ERAP1: variants seen among roughly 807,000 people sequenced by gnomAD.
ERAP1 encodes the protein adipocyte-derived leucine aminopeptidase.
In ERAP1, 86 loss-of-function variants were observed where a neutral mutation model predicts 103.7. That is an observed-to-expected ratio of 0.83 (90% confidence interval 0.70 to 0.99). The LOEUF (loss-of-function observed/expected upper bound fraction) is 0.99. ERAP1 is among the 50% of genes least tolerant of loss of function. The pLI is 0.00. For missense variants in ERAP1, 1,009 were observed against 1,128.4 expected, an observed-to-expected ratio of 0.89 and a Z score of 1.52; for synonymous variants, 398 against 402.4, an observed-to-expected ratio of 0.99 and a Z score of 0.13.
rs1474052446 is a variant in ERAP1, at chr5:96,775,503, A to AGAT, written c.*890_*892dup. ...TGAATGCACTCTGCTTTTTCAGAAG[A>AGAT]GATACTGTACCAGTCAGGGAAATAG... On this transcript the variant is annotated 3_prime_UTR_variant, in exon 19 of 19. Coordinates refer to ENST00000443439, the MANE Select transcript of ERAP1 (RefSeq NM_001040458.3). 12 of 979,666 alleles carry AGAT rather than the reference A, an allele frequency of 1.2e-5. No homozygotes were observed. Among genetic ancestry groups the AGAT allele is most frequent in the East Asian group, 1.1e-4 (1 of 8,758 alleles). 60.7% of individuals were successfully genotyped at this position (979,666 alleles called of 1,614,324 possible). A position where few individuals can be genotyped will look rare whatever the true frequency, so the allele number is the denominator to read the frequency against.
At chr5:96,896,436 C>T in the ERAP1 span, 9 of 1,613,154 alleles carry the variant, frequency 5.6e-6, no homozygotes, top group Non-Finnish European at 7.6e-6. Flanking sequence ...TTCATCCCGC[C>T]CTATCTCCAA....
the ERAP1 span, among the ~76,000 whole-genome samples, chr5:96,815,898 G>A: frequency 1.3e-5 from 2 of 152,122 alleles, no homozygotes; most frequent in African/African-American, 4.8e-5. Flanking sequence ...ACACATATAT[G>A]TATGTGTGGA....
At chr5:96,840,926 G>A in the ERAP1 span, among the ~76,000 whole-genome samples, 4 of 151,924 alleles carry the variant, frequency 2.6e-5, no homozygotes, top group Non-Finnish European at 5.9e-5. Flanking sequence ...GGATGGTCTC[G>A]ATCTCCTGAC....
chr5:96,776,212 C>T lies in ERAP1; in HGVS notation c.*184G>A. The T allele has an allele frequency of 6.6e-7, 1 of 1,510,442 alleles. No individual in the cohort carries two copies. Among genetic ancestry groups the T allele is most frequent in the Non-Finnish European group, 8.8e-7 (1 of 1,132,454 alleles). 93.6% of individuals were successfully genotyped at this position (1,510,442 alleles called of 1,614,324 possible). A position where few individuals can be genotyped will look rare whatever the true frequency, so the allele number is the denominator to read the frequency against. On this transcript the variant is annotated 3_prime_UTR_variant, in exon 19 of 19. Transcript: ENST00000443439. ...GGCAACACCTGTGATGAACAAAACA[C>T]ATGGTAGCGATAGCCCATTCATGAA...
chr5:96,826,356 G>T, the ERAP1 span, among the ~76,000 whole-genome samples: 6 of 152,228 alleles, frequency 3.9e-5, no homozygotes, highest in East Asian at 1.2e-3. Flanking sequence ...AAGAGTATTT[G>T]GGCAGAGAGA....
At chr5:96,861,986 T>A in the ERAP1 span, among the ~76,000 whole-genome samples, 2 of 151,826 alleles carry the variant, frequency 1.3e-5, no homozygotes, top group Non-Finnish European at 2.9e-5. Context: ...TGATTCTTTT[T>A]GAAAAAAAAA....
At chr5:96,811,066 G>A (rs1356301138), upstream of ERAP1, among the ~76,000 whole-genome samples, 1 of 151,940 alleles carries the variant, frequency 6.6e-6, no homozygotes, top group Non-Finnish European at 1.5e-5. Flanking sequence ...TCTTCCATAG[G>A]CTCCCAGGGC....
chr5:96,772,997 T>C (rs17086689), downstream of ERAP1: 12,377 of 153,978 alleles, frequency 0.08, 661 homozygotes, highest in Middle Eastern at 0.12. Context: ...CTCATTTGTA[T>C]TTTCAGTTTG....
intron 14 of ERAP1, 24 bp from the exon 15 acceptor site, chr5:96,783,259 A>G (rs1175948597): frequency 1.3e-6 from 2 of 1,597,724 alleles, no homozygotes; most frequent in South Asian, 1.1e-5. Context: ...ACAGGGAAAC[A>G]GGGACCAGTA....
In ERAP1 at chr5:96,803,847, G is replaced by T. The variant is rs1230698087; in HGVS notation, c.80C>A (p.Ser27Tyr). The T allele has an allele frequency of 3.1e-6, 5 of 1,613,890 alleles. No homozygotes were observed. The African/African-American group carries it at 5.3e-5, about 17-fold the overall frequency. The change falls in exon 2 of 19, where the codon TCC (serine) becomes TAC (tyrosine). Residue 27 changes from serine (S) to tyrosine (Y), a missense_variant. Physicochemically the swap from Ser to Tyr is moderately radical, Grantham distance 144. Transcript: ENST00000443439. The stretch of plus-strand genomic sequence containing the variant: ...AGTGCTCTGACACCATGAAGGAGTG[G>T]ACACAGTTAAGAGAGCCAACAGTGA... Reference protein sequence around the residue: ...LSSLLALLTVSTPSWCQSTEA... With the variant: ...LSSLLALLTVYTPSWCQSTEA...
intron 12 of ERAP1, 42 bp downstream of exon 12, chr5:96,786,428 C>T: frequency 7.6e-7 from 1 of 1,316,954 alleles, no homozygotes; most frequent in Non-Finnish European, 1.1e-6. Flanking sequence ...CACATTTTCA[C>T]ATTCCTCCTT....
At chr5:96,851,938 C>T in the ERAP1 span, among the ~76,000 whole-genome samples, 1 of 152,130 alleles carries the variant, frequency 6.6e-6, no homozygotes, top group Non-Finnish European at 1.5e-5. Context: ...ACAGAATAGA[C>T]ATGGTGGTGT....
At chr5:96,833,625 T>C in the ERAP1 span, among the ~76,000 whole-genome samples, 2 of 151,966 alleles carry the variant, frequency 1.3e-5, 1 homozygote, top group African/African-American at 4.8e-5. Flanking sequence ...GTTCCTGACC[T>C]CACCTTGTGT....
chr5:96,859,767 T>A, the ERAP1 span, among the ~76,000 whole-genome samples: 7,401 of 152,262 alleles, frequency 0.049, 219 homozygotes, highest in South Asian at 0.11. Flanking sequence ...TAAGCAAGCC[T>A]AGTAGTACTT....
the ERAP1 span, among the ~76,000 whole-genome samples, chr5:96,837,329 T>C: frequency 2.7e-4 from 41 of 152,352 alleles, no homozygotes; most frequent in East Asian, 7.1e-3. Flanking sequence ...TTTTTCAAAG[T>C]TATTGTACAG....
chr5:96,771,696 G>A, downstream of ERAP1: 1 of 1,604,152 alleles, frequency 6.2e-7, no homozygotes, highest in Non-Finnish European at 8.5e-7. Flanking sequence ...ACAAGTTAAG[G>A]TATCTGGTAA....
chr5:96,876,416 C>A, the ERAP1 span: 7 of 152,238 alleles, frequency 4.6e-5, no homozygotes, highest in Non-Finnish European at 1.0e-4. Flanking sequence ...TGATAATGAA[C>A]CAGCTAGTAC....
At chr5:96,787,031 C>T (rs1776103657) in intron 11 of ERAP1, among the ~76,000 whole-genome samples, 1 of 152,086 alleles carries the variant, frequency 6.6e-6, no homozygotes, top group Non-Finnish European at 1.5e-5. Context: ...CCAAAAAAGA[C>T]TGAAGAGTTG....
At chr5:96,807,098 C>T (rs1236707423) in intron 1 of ERAP1, among the ~76,000 whole-genome samples, 1 of 152,158 alleles carries the variant, frequency 6.6e-6, no homozygotes, top group East Asian at 1.9e-4. Context: ...AATCCAAAAG[C>T]GTGAGGAAGT....
Sources: allele counts gnomAD v4.1 joint callset (sites outside exome capture counted in the v4.1 genomes callset), GRCh38; gene constraint gnomAD v4.1.1; transcripts MANE v1.5; gene names NCBI Gene and HGNC (gene_info 2026-07-23, HGNC 2026-07-21).